The following SUCLA2 variants were observed in gnomAD, a reference collection of about 807,000 sequenced individuals.
SUCLA2 encodes succinate-CoA ligase ADP-forming subunit beta.
SUCLA2 carries 30 observed loss-of-function variants against 54.8 expected under a neutral mutation model. The observed-to-expected ratio is 0.55, with a 90% confidence interval of 0.41 to 0.74. The LOEUF is 0.74. Among genes scored for constraint, SUCLA2 ranks in the 30% least tolerant of loss-of-function variants. SUCLA2 has a pLI of 0.00. For synonymous variants in SUCLA2, 172 were observed against 188.9 expected (o/e 0.91, Z 0.74); for missense variants, 476 against 562.9 (o/e 0.85, Z 1.56).
chr13:47,976,292 G>A (rs574830042), intron 4 of SUCLA2, among the ~76,000 whole-genome samples: 1 of 152,212 alleles, frequency 6.6e-6, no homozygotes, highest in South Asian at 2.1e-4. Context: ...AGTACCCCAG[G>A]TAAGCTCAAA....
chr13:47,970,299 T>C (rs1949952304), intron 5 of SUCLA2, among the ~76,000 whole-genome samples: 1 of 152,118 alleles, frequency 6.6e-6, no homozygotes, highest in Admixed American at 6.6e-5. Context: ...ATCAATCCAT[T>C]ATGACATCAA....
At chr13:47,970,108 A>C (rs1277840187) in intron 5 of SUCLA2, among the ~76,000 whole-genome samples, 5 of 72,046 alleles carry the variant, frequency 6.9e-5, no homozygotes, top group Admixed American at 2.5e-4. Flanking sequence ...TCTCCCCCCC[A>C]CAAAAAAAAA....
intron 4 of SUCLA2, among the ~76,000 whole-genome samples, chr13:47,986,986 C>G (rs1358486247): frequency 6.6e-6 from 1 of 152,228 alleles, no homozygotes; most frequent in East Asian, 1.9e-4. Flanking sequence ...CACCAACCAA[C>G]TCTACATTGG....
At position 47,959,758 on chromosome 13, in the gene SUCLA2, G is replaced by T. The variant is rs560605092; in HGVS notation, c.803-5201C>A. Among the ~76,000 whole-genome samples the T allele has an allele frequency of 9.9e-5, 15 of 152,064 alleles. No homozygotes were observed. In the East Asian group the frequency reaches 2.3e-3, roughly 23 times the overall value. On this transcript the variant is annotated intron_variant, in intron 6 of 10. Coordinates refer to ENST00000646932, the MANE Select transcript of SUCLA2 (RefSeq NM_003850.3). ...TAAAACCTGAGAATGAGAGAAATTT[G>T]GCTAATTAACATTTCATAGTTAAAG...
In SUCLA2 at chr13:47,973,259, C is replaced by T. The variant is rs763914890; in HGVS notation, c.663+5G>A. On this transcript the variant is annotated splice_donor_5th_base_variant and intron_variant, in intron 5 of 10. Coordinates refer to ENST00000646932, the MANE Select transcript of SUCLA2 (RefSeq NM_003850.3). ...AGCTAGAAATTTTTCAGGAATACAA[C>T]ATACCTGGAGAGCTTGTTCCTTTTT... The T allele has an allele frequency of 3.1e-6, 5 of 1,611,210 alleles. No homozygotes were observed. In the South Asian group the frequency reaches 3.3e-5, roughly 11 times the overall value.
chr13:47,954,685 A>G, intron 6 of SUCLA2, 128 bp from the exon 7 acceptor site: 1 of 1,032,784 alleles, frequency 9.7e-7, no homozygotes, highest in South Asian at 1.6e-5. Flanking sequence ...AAAATATTTC[A>G]ATTTATGTTC....
At chr13:47,988,025 C>T (rs542694507) in intron 4 of SUCLA2, 1 of 153,434 alleles carries the variant, frequency 6.5e-6, no homozygotes, top group East Asian at 1.9e-4. Context: ...TAATGTAATA[C>T]TCCTTAAAAC....
intron 6 of SUCLA2, among the ~76,000 whole-genome samples, chr13:47,960,458 ATTATATATTC>A (rs1297303312): frequency 2.6e-5 from 4 of 152,318 alleles, no homozygotes; most frequent in African/African-American, 9.6e-5. Flanking sequence ...TGAACAGTAC[ATTATATATTC>A]TGTTATTTGG....
chr13:47,956,061 T>C (rs1378825941), intron 6 of SUCLA2, among the ~76,000 whole-genome samples: 1 of 151,896 alleles, frequency 6.6e-6, no homozygotes, highest in Non-Finnish European at 1.5e-5. Context: ...AACGGGGAAA[T>C]GTAACCACTA....
At position 47,954,135 on chromosome 13, in the gene SUCLA2, C is replaced by T; in HGVS notation, c.1107+5G>A. 6.2e-7 allele frequency: 1 copy of T among 1,612,596 alleles called. No homozygotes were observed. The highest frequency in any genetic ancestry group is 8.5e-7 in the Non-Finnish European group (1 of 1,179,224). On this transcript the variant is annotated splice_donor_5th_base_variant and intron_variant, in intron 8 of 10. Transcript: ENST00000646932. The stretch of plus-strand genomic sequence containing the variant: ...ATATAAAAATATATCAAGCCCTGCC[C>T]TTACCTTTTTATCTGAAGTGATAAG...
Position 47,954,226 on chromosome 13 carries a change from T to C in SUCLA2, c.1021A>G (p.Thr341Ala). The C allele has an allele frequency of 1.2e-6, 2 of 1,613,788 alleles. No homozygotes were observed. Among genetic ancestry groups the C allele is most frequent in the Non-Finnish European group, 1.7e-6 (2 of 1,179,858 alleles). The change falls in exon 8 of 11, where the codon ACT becomes GCT. Residue 341 changes from threonine (T) to alanine (A), a missense_variant. Physicochemically the swap from Thr to Ala is moderately conservative, Grantham distance 58. Coordinates refer to ENST00000646932, the MANE Select transcript of SUCLA2 (RefSeq NM_003850.3). ...CCAACATCAAGGAAGTTGGCTGGAG[T>C]CCCTCCATGAAGTTTTATTATATCC... ...TMDIIKLHGG[T>A]PANFLDVGGG...
chr13:48,001,075 A>G (rs1950227348), intron 1 of SUCLA2, 105 bp downstream of exon 1: 3 of 1,527,392 alleles, frequency 2.0e-6, no homozygotes, highest in Non-Finnish European at 2.7e-6. Flanking sequence ...GCACCCAGAA[A>G]ATGTCACTGC....
At chr13:47,966,808 C>A (rs7338125) in intron 6 of SUCLA2, among the ~76,000 whole-genome samples, 110,549 of 151,564 alleles carry the variant, frequency 0.73, 41,248 homozygotes, top group Non-Finnish European at 0.82. Context: ...TGAGTACATG[C>A]GTTGGATGAG....
At chr13:47,947,366 A>G (rs1949740147) in intron 10 of SUCLA2, among the ~76,000 whole-genome samples, 1 of 152,158 alleles carries the variant, frequency 6.6e-6, no homozygotes, top group Admixed American at 6.6e-5. Context: ...GGTCACCTTT[A>G]TTGGACATAA....
chr13:47,956,495 G>T (rs1356254904), intron 6 of SUCLA2, among the ~76,000 whole-genome samples: 1 of 152,204 alleles, frequency 6.6e-6, no homozygotes, highest in African/African-American at 2.4e-5. Context: ...ATCAAGCCAA[G>T]ATTCTATATC....
intron 2 of SUCLA2, chr13:47,994,926 A>G: frequency 3.4e-6 from 3 of 880,958 alleles, no homozygotes; most frequent in Non-Finnish European, 4.1e-6. Flanking sequence ...TATAAGGCAT[A>G]ATCAAAACAG....
At chr13:47,988,233 AT>A (rs1950119597) in intron 4 of SUCLA2, 1 of 417,940 alleles carries the variant, frequency 2.4e-6, no homozygotes, top group African/African-American at 2.1e-5. Flanking sequence ...GCTAGATATA[AT>A]TTTCTCAATC....
chr13:47,978,358 G>A lies in SUCLA2; in HGVS notation c.535-4966C>T, dbSNP rs183474343. 5.9e-3 allele frequency among the ~76,000 whole-genome samples: 904 copies of A among 152,114 alleles called. 12 individuals are homozygous for A. The highest frequency in any genetic ancestry group is 0.02 in the African/African-American group (818 of 41,496). On this transcript the variant is annotated intron_variant, in intron 4 of 10. Transcript: ENST00000646932. ...ACAGAACAGAGGCCTCAGAAATAAC[G>A]CCACACATCTACAACCATCTGATCT...
intron 2 of SUCLA2, among the ~76,000 whole-genome samples, chr13:47,993,242 CAACA>C (rs928476342): frequency 1.3e-5 from 2 of 152,110 alleles, no homozygotes; most frequent in Non-Finnish European, 2.9e-5. Flanking sequence ...AGAAACAAAA[CAACA>C]AACATTCTGC....
Sources: gnomAD v4.1 joint callset for allele counts (sites outside exome capture counted in the v4.1 genomes callset) on GRCh38, gnomAD v4.1.1 for gene constraint, MANE v1.5 for transcripts, NCBI Gene and HGNC (gene_info 2026-07-23, HGNC 2026-07-21) for gene names.